NCOR2: variants seen among roughly 807,000 people sequenced by gnomAD.
The protein encoded by NCOR2 is CTG repeat protein 26.
In NCOR2, 81 loss-of-function variants were observed where a neutral mutation model predicts 262.9. The ratio of observed to expected loss-of-function variants is 0.31; its 90% confidence interval spans 0.26 to 0.37. The LOEUF (loss-of-function observed/expected upper bound fraction) is 0.37. Among genes scored for constraint, NCOR2 ranks in the 10% least tolerant of loss-of-function variants. NCOR2 has a pLI of 1.00. For synonymous variants in NCOR2, 1,659 were observed against 1,559.3 expected (o/e 1.06, Z -1.51); for missense variants, 3,385 against 3,621.4 (o/e 0.93, Z 1.68).
chr12:124,474,835 G>A (rs929021732), intron 3 of NCOR2, among the ~76,000 whole-genome samples: 9 of 152,006 alleles, frequency 5.9e-5, no homozygotes, highest in Admixed American at 1.3e-4. Flanking sequence ...GGGCCAAGCC[G>A]GCAGCTGCTG....
chr12:124,326,316 G>A, exon 46 of NCOR2: 1 of 1,547,520 alleles, frequency 6.5e-7, no homozygotes, highest in Admixed American at 2.0e-5. Flanking sequence ...CGGGGCCGGG[G>A]ACTTGGCTTT....
chr12:124,344,497 G>A (rs1267457656), intron 32 of NCOR2, 100 bp downstream of exon 34: 14 of 1,129,524 alleles, frequency 1.2e-5, no homozygotes, highest in East Asian at 2.7e-5. Flanking sequence ...AGCGGGTGGC[G>A]AGGATATCCC....
At chr12:124,400,440 T>C (rs1001745270) in intron 15 of NCOR2, 61 bp downstream of exon 17, 5 of 1,574,574 alleles carry the variant, frequency 3.2e-6, no homozygotes, top group Non-Finnish European at 4.3e-6. Context: ...AACTTTCATA[T>C]GAGCGCAACC....
chr12:124,399,532 C>A (rs1043642968), intron 15 of NCOR2, among the ~76,000 whole-genome samples: 4 of 152,112 alleles, frequency 2.6e-5, no homozygotes, highest in African/African-American at 9.7e-5. Flanking sequence ...AGTTCTAACC[C>A]CAGCTACAAT....
chr12:124,472,211 A>G (rs2046865392), intron 4 of NCOR2, among the ~76,000 whole-genome samples: 2 of 152,380 alleles, frequency 1.3e-5, no homozygotes, highest in South Asian at 4.1e-4. Flanking sequence ...GGGAAAAGGC[A>G]GATTATCAAA....
chr12:124,332,392 G>A (rs760441945), exon 43 of NCOR2: 16 of 1,614,090 alleles, frequency 9.9e-6, no homozygotes, highest in Admixed American at 8.3e-5. Context: ...TGACCATGGC[G>A]GAGTTGCTCT....
intron 7 of NCOR2, among the ~76,000 whole-genome samples, chr12:124,445,614 C>A (rs574639343): frequency 9.2e-5 from 14 of 152,058 alleles, no homozygotes; most frequent in African/African-American, 3.4e-4. Flanking sequence ...AGGCCGTGAG[C>A]GCCAGGGAGG....
chr12:124,451,222 G>A (rs1202452113), intron 6 of NCOR2, among the ~76,000 whole-genome samples: 4 of 152,240 alleles, frequency 2.6e-5, no homozygotes, highest in Non-Finnish European at 4.4e-5. Flanking sequence ...CTACAACGCC[G>A]GCCCCCCGAC....
intron 44 of NCOR2, among the ~76,000 whole-genome samples, chr12:124,327,977 C>T (rs1196513117): frequency 1.3e-5 from 2 of 151,958 alleles, no homozygotes; most frequent in Admixed American, 1.3e-4. Context: ...AAATCACAAG[C>T]CCCGTCTGCA....
rs541401181 is a variant in NCOR2 at position 124,443,564 on chromosome 12, G to A, written c.816-5568C>T. 6.6e-5 allele frequency among the ~76,000 whole-genome samples: 10 copies of A among 152,160 alleles called. No homozygotes were observed. Among genetic ancestry groups the A allele is most frequent in the Admixed American group, 1.3e-4 (2 of 15,274 alleles). On this transcript the variant is annotated intron_variant, in intron 7 of 46. Coordinates refer to ENST00000405201, the Ensembl canonical transcript of NCOR2. This position sits in a 1 kb window ranked among gnomAD's most constrained non-coding sequence, Gnocchi z 4.4. ...GTCACCTAGGCTGGAGTGCAGTGGC[G>A]CAATCTCGGCTCACTGCAACCTCTG...
intron 5 of NCOR2, among the ~76,000 whole-genome samples, chr12:124,465,238 A>G (rs1176930409): frequency 6.6e-6 from 1 of 152,218 alleles, no homozygotes; most frequent in Non-Finnish European, 1.5e-5. Context: ...ATGCTTCACA[A>G]GGACCAGTCC....
intron 12 of NCOR2, among the ~76,000 whole-genome samples, 156 bp downstream of exon 14, chr12:124,422,341 TGGAA>T (rs2043255393): frequency 6.6e-6 from 1 of 151,692 alleles, no homozygotes. Flanking sequence ...ATCTCCCAGA[TGGAA>T]GGAAGGGAGG....
chr12:124,483,644 T>G lies in NCOR2; in HGVS notation c.363A>C (p.Ser121=), dbSNP rs758104554. 6.8e-6 allele frequency: 11 copies of G among 1,609,048 alleles called. No homozygotes were observed. Among genetic ancestry groups the G allele is most frequent in the Non-Finnish European group, 8.5e-6 (10 of 1,178,224 alleles). The change falls in exon 3 of 47, where the codon TCA becomes TCC. Residue 121 remains serine (S), a synonymous_variant. Transcript: ENST00000405201. This position sits in a 1 kb window ranked among gnomAD's most constrained non-coding sequence, Gnocchi z 6.3. ...CAGGCTGGCCCGTGGCCAGCAGGGG[T>G]GACGGTCGCAGCAGGGGGTCAGGCA...
At chr12:124,436,878 G>A (rs943421856) in intron 8 of NCOR2, among the ~76,000 whole-genome samples, 7 of 152,204 alleles carry the variant, frequency 4.6e-5, no homozygotes, top group Non-Finnish European at 1.0e-4. Flanking sequence ...ACCTGAGGTC[G>A]GGAGTTCAAG....
chr12:124,462,017 T>C (rs1354228943), intron 5 of NCOR2, among the ~76,000 whole-genome samples: 1 of 152,154 alleles, frequency 6.6e-6, no homozygotes, highest in African/African-American at 2.4e-5. Flanking sequence ...CACACCCAAG[T>C]GTGCTGTATC....
At chr12:124,492,015 C>T (rs1222579083) in intron 1 of NCOR2, among the ~76,000 whole-genome samples, 1 of 152,188 alleles carries the variant, frequency 6.6e-6, no homozygotes, top group Non-Finnish European at 1.5e-5. Context: ...GGGTCCAGGC[C>T]TCTGTCTGCA....
chr12:124,355,485 A>C, exon 24 of NCOR2: 1 of 1,611,536 alleles, frequency 6.2e-7, no homozygotes. Flanking sequence ...TTGGCAGAGG[A>C]GATGAGGGGA....
chr12:124,540,345 G>C (rs1453149696), upstream of NCOR2, among the ~76,000 whole-genome samples: 1 of 146,214 alleles, frequency 6.8e-6, no homozygotes, highest in African/African-American at 2.6e-5. Context: ...GGCACAGCCT[G>C]TGCAAAGGCC....
exon 23 of NCOR2, chr12:124,356,711 G>T (rs1248454638): frequency 6.7e-7 from 1 of 1,496,514 alleles, no homozygotes; most frequent in Admixed American, 2.8e-5. Flanking sequence ...TCACGGGGGG[G>T]CACGGGGAAG....
Sources: gnomAD v4.1 joint callset for allele counts (sites outside exome capture counted in the v4.1 genomes callset) on GRCh38, gnomAD v4.1.1 for gene constraint, Gnocchi (gnomAD v3.1) non-coding constraint, MANE v1.5 for transcripts, NCBI Gene and HGNC (gene_info 2026-07-23, HGNC 2026-07-21) for gene names.